Variants in PDHX observed in about 807,000 individuals in gnomAD.
PDHX encodes pyruvate dehydrogenase complex component X.
Under a neutral mutation model 55.3 loss-of-function variants are expected in PDHX, and 33 were observed. The ratio of observed to expected loss-of-function variants is 0.60; its 90% CI spans 0.45 to 0.80. The LOEUF (loss-of-function observed/expected upper bound fraction) is 0.80, where lower values mean the gene tolerates loss of function less well. Among genes scored for constraint, PDHX ranks in the 30% least tolerant of loss-of-function variants. PDHX has a pLI of 0.00. For synonymous variants in PDHX, 226 were observed against 219.4 expected, an observed-to-expected ratio of 1.03 and a Z score of -0.27; for missense variants, 622 against 619.9, an observed-to-expected ratio of 1.00 and a Z score of -0.04.
intron 3 of PDHX, among the ~76,000 whole-genome samples, chr11:34,956,029 CTAA>C (rs1230514101): frequency 3.9e-5 from 6 of 152,050 alleles, no homozygotes; most frequent in Middle Eastern, 3.4e-3. Flanking sequence ...AAATATTGGT[CTAA>C]TAATAATCTT....
chr11:34,973,412 TG>T (rs1366614060), intron 7 of PDHX, among the ~76,000 whole-genome samples: 1 of 152,238 alleles, frequency 6.6e-6, no homozygotes, highest in African/African-American at 2.4e-5. Context: ...TCACATTTAA[TG>T]GGATAGTTGG....
At chr11:34,942,729 C>T (rs1284481913) in intron 2 of PDHX, among the ~76,000 whole-genome samples, 1 of 152,108 alleles carries the variant, frequency 6.6e-6, no homozygotes, top group Admixed American at 6.5e-5. Flanking sequence ...TGCTTCCATA[C>T]GTAATATTAC....
intron 8 of PDHX, among the ~76,000 whole-genome samples, chr11:34,981,976 C>G (rs1177214530): frequency 2.6e-5 from 4 of 152,086 alleles, no homozygotes; most frequent in Non-Finnish European, 4.4e-5. Flanking sequence ...ATGGTAGTTT[C>G]TTTTGCTGTG....
intron 5 of PDHX, among the ~76,000 whole-genome samples, chr11:34,961,779 T>C (rs1174981867): frequency 1.3e-5 from 2 of 151,560 alleles, no homozygotes; most frequent in Admixed American, 6.5e-5. Flanking sequence ...GTGAAGTTCG[T>C]GCCACACTGC....
At chr11:34,975,394 C>T (rs1279695975) in intron 7 of PDHX, among the ~76,000 whole-genome samples, 1 of 152,022 alleles carries the variant, frequency 6.6e-6, no homozygotes, top group Non-Finnish European at 1.5e-5. Context: ...TTGAATTGCC[C>T]AAAGCTCTTA....
chr11:34,949,934 G>A (rs890257852), intron 3 of PDHX, among the ~76,000 whole-genome samples: 2 of 151,630 alleles, frequency 1.3e-5, no homozygotes, highest in African/African-American at 4.8e-5. Context: ...TAGCATCCAT[G>A]GATATTAAAA....
intron 3 of PDHX, among the ~76,000 whole-genome samples, chr11:34,948,361 A>G (rs900173177): frequency 4.6e-5 from 7 of 152,202 alleles, no homozygotes; most frequent in South Asian, 4.1e-4. Flanking sequence ...CTGGAGTTCA[A>G]TTTGTACAGA....
At chr11:34,979,612 A>G (rs993028211) in intron 8 of PDHX, among the ~76,000 whole-genome samples, 13 of 152,226 alleles carry the variant, frequency 8.5e-5, no homozygotes. Flanking sequence ...TTTCAGCAGT[A>G]TCTAATTATT....
chr11:34,986,531 T>C (rs2181876), intron 9 of PDHX, among the ~76,000 whole-genome samples: 98,390 of 151,976 alleles, frequency 0.65, 32,282 homozygotes, highest in East Asian at 0.75. Flanking sequence ...GGAACTTTAT[T>C]GTAGAGCTAG....
chr11:34,987,864 C>T (rs1167940770), intron 9 of PDHX, among the ~76,000 whole-genome samples: 2 of 152,010 alleles, frequency 1.3e-5, no homozygotes, highest in African/African-American at 4.8e-5. Context: ...TGAGTGTCCA[C>T]GTATAGTAGT....
intron 8 of PDHX, among the ~76,000 whole-genome samples, chr11:34,980,385 T>A (rs1271597472): frequency 4.2e-5 from 4 of 94,730 alleles, no homozygotes; most frequent in Admixed American, 1.2e-4. Flanking sequence ...GCAAGATTTA[T>A]TGTGAAGAGC....
At chr11:34,989,224 A>G (rs886766794) in intron 9 of PDHX, among the ~76,000 whole-genome samples, 1 of 152,156 alleles carries the variant, frequency 6.6e-6, no homozygotes, top group South Asian at 2.1e-4. Flanking sequence ...ATCTTATGGG[A>G]CCACTGTCAT....
In PDHX at chr11:34,921,378, C is replaced by G. The variant is rs79433333; in HGVS notation, c.160+4563C>G. 7.6e-3 allele frequency among the ~76,000 whole-genome samples: 1,154 copies of G among 152,274 alleles called. 3 individuals carry two copies. The highest frequency in any genetic ancestry group is 0.012 in the Non-Finnish European group (832 of 68,010). On this transcript the variant is annotated intron_variant, in intron 1 of 10. Transcript: ENST00000227868. Reference sequence around the variant, plus strand: ...GATTCAGGCCTTTATGCACGATGCGCTGTCAGTTTTGTTTAAGTGCTCACC... The same window carrying G: ...GATTCAGGCCTTTATGCACGATGCGGTGTCAGTTTTGTTTAAGTGCTCACC...
intron 4 of PDHX, among the ~76,000 whole-genome samples, chr11:34,959,799 C>G (rs1413993274): frequency 1.3e-5 from 2 of 151,990 alleles, no homozygotes; most frequent in Admixed American, 1.3e-4. Flanking sequence ...ATAAGCCAGT[C>G]ACAAAACAAA....
At chr11:34,976,504 A>G (rs1408333775) in intron 7 of PDHX, among the ~76,000 whole-genome samples, 1 of 152,202 alleles carries the variant, frequency 6.6e-6, no homozygotes, top group Non-Finnish European at 1.5e-5. Context: ...AGTTGGATAT[A>G]CAAGTCTGAA....
intron 5 of PDHX, among the ~76,000 whole-genome samples, chr11:34,965,464 G>A (rs555509794): frequency 6.6e-6 from 1 of 152,274 alleles, no homozygotes; most frequent in East Asian, 1.9e-4. Flanking sequence ...TGATATATCT[G>A]CCCTCTCCAG....
chr11:34,992,127 C>G (rs1855769435), intron 9 of PDHX, among the ~76,000 whole-genome samples, 188 bp from the exon 10 acceptor site: 1 of 151,966 alleles, frequency 6.6e-6, no homozygotes, highest in African/African-American at 2.4e-5. Flanking sequence ...TGATTAACAG[C>G]TTTAGTTTCT....
intron 7 of PDHX, among the ~76,000 whole-genome samples, chr11:34,975,815 C>T (rs757681703): frequency 1.3e-5 from 2 of 152,134 alleles, no homozygotes; most frequent in African/African-American, 4.8e-5. Context: ...TTTTCTTTCA[C>T]CCTGTCAGGA....
chr11:34,960,379 A>G (rs768644546), intron 4 of PDHX, 41 bp from the exon 5 acceptor site: 4 of 1,222,696 alleles, frequency 3.3e-6, no homozygotes, highest in Non-Finnish European at 4.9e-6. Flanking sequence ...ATCAAATGTA[A>G]GTGTTAATTG....
Sources: allele counts gnomAD v4.1 joint callset (sites outside exome capture counted in the v4.1 genomes callset), GRCh38; gene constraint gnomAD v4.1.1; transcripts MANE v1.5; gene names NCBI Gene and HGNC (gene_info 2026-07-23, HGNC 2026-07-21).